Variants in RGS3 observed in about 807,000 individuals in gnomAD.
The protein encoded by RGS3 is regulator of G-protein signalling 3.
RGS3 carries 80 observed loss-of-function variants against 132.6 expected under a neutral mutation model. That is an observed-to-expected ratio of 0.60 (90% CI 0.50 to 0.73). The LOEUF (loss-of-function observed/expected upper bound fraction) is 0.73, where lower values mean the gene tolerates loss of function less well. RGS3 is among the 30% of genes least tolerant of loss of function. The probability of loss-of-function intolerance (pLI) is 0.00; values close to 1 mark genes in which losing one functional copy is unlikely to be tolerated. For missense variants in RGS3, 1,382 were observed against 1,530.8 expected (o/e 0.90, Z 1.62); for synonymous variants, 598 against 620.6 (o/e 0.96, Z 0.54).
At chr9:113,476,605 A>T (rs1048224385) in intron 3 of RGS3, among the ~76,000 whole-genome samples, 7 of 152,190 alleles carry the variant, frequency 4.6e-5, no homozygotes, top group African/African-American at 1.7e-4. Context: ...GAACGGGAGC[A>T]GTGCAGTGTG....
intron 10 of RGS3, among the ~76,000 whole-genome samples, chr9:113,504,109 C>G (rs950937381): frequency 4.6e-5 from 7 of 152,174 alleles, no homozygotes; most frequent in East Asian, 1.9e-4. Flanking sequence ...CTTGGTCACT[C>G]TGAGCCCCCT....
rs776998917 is a variant in RGS3 at position 113,594,950 on chromosome 9, G to T, written c.3214G>T (p.Glu1072Ter). 6.2e-7 allele frequency: 1 copy of T among 1,614,110 alleles called. No individual in the cohort carries two copies. Among genetic ancestry groups the T allele is most frequent in the South Asian group, 1.1e-5 (1 of 91,084 alleles). Residue 1072 changes from glutamate (E) to a stop codon, truncating the protein, a stop_gained, in exon 23 of 25, where the codon GAG (glutamate) becomes TAG (stop). Transcript: ENST00000350696. LOFTEE classifies it high-confidence loss of function. ...CTCAGAGGAAGCCCTCAAGTGGGGC[G>T]AGTCCTTGGAGAAGCTGCTGGTTCA...
chr9:113,451,352 T>G (rs529205970), intron 1 of RGS3, among the ~76,000 whole-genome samples: 3 of 152,260 alleles, frequency 2.0e-5, no homozygotes, highest in East Asian at 3.9e-4. Context: ...GATCCCTGGA[T>G]GCCATGACCT....
chr9:113,528,360 G>C (rs1832311933), intron 17 of RGS3, among the ~76,000 whole-genome samples: 1 of 152,162 alleles, frequency 6.6e-6, no homozygotes, highest in Non-Finnish European at 1.5e-5. Context: ...GTGTCCTGGA[G>C]GGAGGGACCA....
At chr9:113,503,385 G>A (rs1029475421) in intron 10 of RGS3, 1 of 152,542 alleles carries the variant, frequency 6.6e-6, no homozygotes, top group African/African-American at 2.4e-5. Context: ...TGGACAGAGT[G>A]TAATTCTGCT....
At chr9:113,545,258 C>A (rs987754561) in intron 19 of RGS3, among the ~76,000 whole-genome samples, 4 of 152,176 alleles carry the variant, frequency 2.6e-5, no homozygotes, top group African/African-American at 9.7e-5. Flanking sequence ...TTGTGCCCAG[C>A]GTAAGTACTG....
At chr9:113,517,468 G>A (rs1340539259) in intron 15 of RGS3, 73 bp from the exon 14 acceptor site, 3 of 1,256,346 alleles carry the variant, frequency 2.4e-6, no homozygotes, top group South Asian at 1.2e-5. Context: ...GCTTTGACAA[G>A]CTGCTGCTTC....
intron 4 of RGS3, among the ~76,000 whole-genome samples, chr9:113,482,301 C>T (rs1053429904): frequency 2.0e-5 from 3 of 152,196 alleles, no homozygotes; most frequent in African/African-American, 4.8e-5. Context: ...CCTCTGAGCA[C>T]TTCAGGCACA....
At chr9:113,505,636 T>A in intron 11 of RGS3, 113 bp downstream of exon 9, 1 of 774,304 alleles carries the variant, frequency 1.3e-6, no homozygotes, top group Non-Finnish European at 2.2e-6. Flanking sequence ...GTGTCCTGGC[T>A]TTTCAAAATG....
At position 113,565,271 on chromosome 9, in the gene RGS3, GA is replaced by G; in HGVS notation, c.2038-18176del. On this transcript the variant is annotated intron_variant, in intron 19 of 24. Transcript: ENST00000350696. The surrounding 1 kb of genome is among the most constrained non-coding windows in gnomAD (Gnocchi z 5.7). The stretch of plus-strand genomic sequence containing the variant: ...AGACATCCCGGACTCCATCTCGGAT[GA>G]AAGTGCTTTGAGAAACCACAGAGTT... 7.8e-7 allele frequency: 1 copy of G among 1,289,512 alleles called. No homozygotes were observed. The highest frequency in any genetic ancestry group is 1.0e-6 in the Non-Finnish European group (1 of 988,662). 79.9% of individuals were successfully genotyped at this position (1,289,512 alleles called of 1,614,324 possible). A position where few individuals can be genotyped will look rare whatever the true frequency, so the allele number is the denominator to read the frequency against.
At chr9:113,455,702 A>G (rs148865118), upstream of RGS3, among the ~76,000 whole-genome samples, 88 of 152,312 alleles carry the variant, frequency 5.8e-4, 1 homozygote, top group African/African-American at 1.9e-3. Flanking sequence ...AGTGGTATTT[A>G]CAGCAACCAG....
intron 1 of RGS3, among the ~76,000 whole-genome samples, chr9:113,460,663 G>A (rs939524840): frequency 3.3e-5 from 5 of 151,286 alleles, no homozygotes; most frequent in Admixed American, 6.6e-5. Flanking sequence ...TAATTCCATC[G>A]ATCTGTCTTT....
intron 3 of RGS3, among the ~76,000 whole-genome samples, chr9:113,465,872 C>T (rs1829623405): frequency 6.6e-6 from 1 of 152,192 alleles, no homozygotes; most frequent in African/African-American, 2.4e-5. Flanking sequence ...AAATTCTCTC[C>T]TGTTTCCTGC....
At chr9:113,499,226 CAAAAAAAA>C (rs57507668) in intron 10 of RGS3, among the ~76,000 whole-genome samples, 1 of 60,682 alleles carries the variant, frequency 1.6e-5, no homozygotes, top group Non-Finnish European at 3.3e-5. Flanking sequence ...GATTCCATCT[CAAAAAAAA>C]AAAAAAAAAA....
chr9:113,466,491 A>T (rs1468583049), intron 3 of RGS3, among the ~76,000 whole-genome samples: 1 of 152,236 alleles, frequency 6.6e-6, no homozygotes, highest in Non-Finnish European at 1.5e-5. Flanking sequence ...CCCCAAAAGG[A>T]GTATGTTCAA....
In RGS3 at chr9:113,537,974, G is replaced by T. The variant is rs1249750045; in HGVS notation, c.2037+1056G>T. 6.6e-6 allele frequency among the ~76,000 whole-genome samples: 1 copy of T among 152,224 alleles called. No homozygotes were observed. The highest frequency in any genetic ancestry group is 2.4e-5 in the African/African-American group (1 of 41,452). The stretch of plus-strand genomic sequence containing the variant: ...CTTGTTTTACACTAGCTAGTGGCAA[G>T]AATAACTTGGATGAGGGAAGACAGT... On this transcript the variant is annotated intron_variant, in intron 19 of 24. Coordinates refer to ENST00000350696, the Ensembl canonical transcript of RGS3. This position sits in a 1 kb window ranked among gnomAD's most constrained non-coding sequence, Gnocchi z 4.3.
chr9:113,529,448 T>C (rs1306600792), intron 18 of RGS3, among the ~76,000 whole-genome samples, 184 bp downstream of exon 16: 3 of 152,228 alleles, frequency 2.0e-5, no homozygotes, highest in African/African-American at 7.2e-5. Context: ...TTCCTGCCCC[T>C]GCCTCTCTCA....
chr9:113,584,303 G>A, exon 20 of RGS3: 1 of 1,607,538 alleles, frequency 6.2e-7, no homozygotes, highest in African/African-American at 1.3e-5. Flanking sequence ...ACCTTGCACT[G>A]CTCAGACGGT....
At chr9:113,462,615 T>C (rs1237242347) in intron 3 of RGS3, among the ~76,000 whole-genome samples, 1 of 152,236 alleles carries the variant, frequency 6.6e-6, no homozygotes, top group Non-Finnish European at 1.5e-5. Flanking sequence ...ACCTGTCTTC[T>C]CTGCCTGAGG....
Sources: allele counts gnomAD v4.1 joint callset (sites outside exome capture counted in the v4.1 genomes callset), GRCh38; gene constraint gnomAD v4.1.1; non-coding constraint Gnocchi (gnomAD v3.1); transcripts MANE v1.5; gene names NCBI Gene and HGNC (gene_info 2026-07-23, HGNC 2026-07-21).